Variants in SLC14A2 observed in about 807,000 individuals in gnomAD.
SLC14A2 encodes the protein urea transporter 2.
Under a neutral mutation model 104.6 loss-of-function variants are expected in SLC14A2, and 91 were observed. The observed-to-expected ratio is 0.87, with a 90% CI of 0.73 to 1.04. The LOEUF is 1.04. SLC14A2 is among the 50% of genes least tolerant of loss of function. SLC14A2 has a pLI of 0.00. For missense variants in SLC14A2, 1,189 were observed against 1,156.0 expected, an observed-to-expected ratio of 1.03 and a Z score of -0.41; for synonymous variants, 476 against 466.4, an observed-to-expected ratio of 1.02 and a Z score of -0.27.
intron 2 of SLC14A2, among the ~76,000 whole-genome samples, chr18:45,523,121 T>C (rs1251008603): frequency 6.6e-6 from 1 of 152,054 alleles, no homozygotes; most frequent in African/African-American, 2.4e-5. Context: ...TCTCAGCTGG[T>C]GAGAATTGTA....
intron 2 of SLC14A2, among the ~76,000 whole-genome samples, chr18:45,574,690 G>A (rs760139037): frequency 2.0e-5 from 3 of 152,210 alleles, no homozygotes; most frequent in East Asian, 3.8e-4. Context: ...TGTCAAATAC[G>A]TTTCTTCCTC....
At chr18:45,434,365 A>G (rs1472115156) in intron 1 of SLC14A2, among the ~76,000 whole-genome samples, 2 of 152,244 alleles carry the variant, frequency 1.3e-5, no homozygotes, top group African/African-American at 4.8e-5. Context: ...TCAACAATAA[A>G]AACTGTTAAC....
At chr18:45,642,432 C>T (rs2045545005) in intron 8 of SLC14A2, among the ~76,000 whole-genome samples, 2 of 152,190 alleles carry the variant, frequency 1.3e-5, no homozygotes, top group African/African-American at 4.8e-5. Flanking sequence ...GGGAAGCCTA[C>T]AGGGGGAGGC....
intron 1 of SLC14A2, among the ~76,000 whole-genome samples, chr18:45,425,228 G>C (rs530371433): frequency 1.3e-5 from 2 of 152,256 alleles, no homozygotes; most frequent in Non-Finnish European, 2.9e-5. Flanking sequence ...ACCCTCCATA[G>C]CCCACTCTTA....
intron 1 of SLC14A2, among the ~76,000 whole-genome samples, chr18:45,352,304 C>T (rs2085511156): frequency 6.6e-6 from 1 of 152,094 alleles, no homozygotes; most frequent in Non-Finnish European, 1.5e-5. Context: ...CCCTGTACCC[C>T]ACCCCATACC....
chr18:45,538,449 C>G (rs989994695), intron 2 of SLC14A2, among the ~76,000 whole-genome samples: 1 of 152,170 alleles, frequency 6.6e-6, no homozygotes, highest in African/African-American at 2.4e-5. Flanking sequence ...TTTCAAGGCT[C>G]GACTGGGACT....
intron 2 of SLC14A2, among the ~76,000 whole-genome samples, chr18:45,588,731 G>C (rs2044604097): frequency 6.6e-6 from 1 of 152,186 alleles, no homozygotes; most frequent in African/African-American, 2.4e-5. Context: ...GCCTGTTCCA[G>C]CTACAATTCT....
chr18:45,333,128 A>G (rs1004889774), intron 1 of SLC14A2, among the ~76,000 whole-genome samples: 8 of 152,112 alleles, frequency 5.3e-5, no homozygotes, highest in Non-Finnish European at 1.0e-4. Flanking sequence ...TTGTGGTTTC[A>G]GGTTATCTCC....
At chr18:45,468,754 T>A (rs1039163648) in intron 1 of SLC14A2, among the ~76,000 whole-genome samples, 1 of 152,218 alleles carries the variant, frequency 6.6e-6, no homozygotes, top group Non-Finnish European at 1.5e-5. Context: ...AGGATTCAAA[T>A]GCACTGGCAT....
At chr18:45,384,463 C>T (rs769059195) in intron 1 of SLC14A2, among the ~76,000 whole-genome samples, 7 of 152,168 alleles carry the variant, frequency 4.6e-5, no homozygotes, top group African/African-American at 1.7e-4. Context: ...GGAATAAGCC[C>T]ACCCACCTCA....
chr18:45,238,710 G>A (rs1235749022), intron 1 of SLC14A2, among the ~76,000 whole-genome samples: 4 of 152,134 alleles, frequency 2.6e-5, no homozygotes, highest in Non-Finnish European at 5.9e-5. Context: ...AAGAAAGAGA[G>A]GTAACTAGAA....
intron 2 of SLC14A2, among the ~76,000 whole-genome samples, chr18:45,554,774 CAAGAG>C (rs1174090422): frequency 6.6e-6 from 1 of 152,102 alleles, no homozygotes; most frequent in Non-Finnish European, 1.5e-5. Context: ...AGGGTGTTGA[CAAGAG>C]AGGAGCAGCA....
At chr18:45,217,542 G>A (rs186831732) in intron 1 of SLC14A2, among the ~76,000 whole-genome samples, 64 of 152,050 alleles carry the variant, frequency 4.2e-4, no homozygotes, top group African/African-American at 1.5e-3. Context: ...AAGAGGGAAA[G>A]GGTTCTCAAT....
intron 1 of SLC14A2, among the ~76,000 whole-genome samples, chr18:45,448,042 G>GTGTTAATA (rs2086798079): frequency 3.9e-5 from 6 of 152,242 alleles, no homozygotes. Context: ...TGGCTCAAGT[G>GTGTTAATA]TGTTAATAGA....
chr18:45,429,169 G>T (rs1311128529), intron 1 of SLC14A2, among the ~76,000 whole-genome samples: 1 of 152,180 alleles, frequency 6.6e-6, no homozygotes, highest in Non-Finnish European at 1.5e-5. Context: ...ATAAAGAAAT[G>T]ATTACAATAT....
chr18:45,558,800 CT>C (rs553720240), intron 2 of SLC14A2, among the ~76,000 whole-genome samples: 2 of 151,376 alleles, frequency 1.3e-5, no homozygotes, highest in Non-Finnish European at 3.0e-5. Flanking sequence ...CTTTGAGTTT[CT>C]TTTTTTTTGA....
Position 45,427,692 on chromosome 18 carries a change from C to T in SLC14A2, c.-124-55541C>T, listed in dbSNP as rs143531300. 6.6e-5 allele frequency among the ~76,000 whole-genome samples: 10 copies of T among 152,178 alleles called. No homozygotes were observed. In the East Asian group the frequency reaches 1.5e-3, roughly 24 times the overall value. On this transcript the variant is annotated intron_variant, in intron 1 of 20. Coordinates refer to the SLC14A2 transcript ENST00000586448. ...GATAACCCCAACCCAGGAGTTTCTC[C>T]CAGGGCTCTTGTGAGAATTAAATGG...
chr18:45,648,076 A>G (rs2045652921), intron 10 of SLC14A2: 1 of 151,848 alleles, frequency 6.6e-6, no homozygotes, highest in Non-Finnish European at 1.5e-5. Flanking sequence ...TTGCATTTCT[A>G]AAACATTTAC....
At chr18:45,231,235 T>C (rs573277107) in intron 1 of SLC14A2, among the ~76,000 whole-genome samples, 2 of 130,172 alleles carry the variant, frequency 1.5e-5, no homozygotes, top group African/African-American at 5.3e-5. Context: ...TGGAGTCTTG[T>C]TGTATCACCC....
Sources: gnomAD v4.1 joint callset for allele counts (sites outside exome capture counted in the v4.1 genomes callset) on GRCh38, gnomAD v4.1.1 for gene constraint, MANE v1.5 for transcripts, NCBI Gene and HGNC (gene_info 2026-07-23, HGNC 2026-07-21) for gene names.